Variants in PPP4R2 observed in about 807,000 individuals in gnomAD.
PPP4R2 encodes the protein serine/threonine-protein phosphatase 4 regulatory subunit 2.
A neutral mutation model predicts 47.2 loss-of-function variants in PPP4R2; 13 were observed. The observed-to-expected ratio is 0.28, with a 90% CI of 0.18 to 0.44. PPP4R2 has a LOEUF of 0.44. Among genes scored for constraint, PPP4R2 ranks in the 20% least tolerant of loss-of-function variants. The pLI is 1.00. For missense variants in PPP4R2, 421 were observed against 491.2 expected (o/e 0.86, Z 1.35); for synonymous variants, 151 against 163.3 (o/e 0.92, Z 0.57).
At chr3:73,041,419 C>T (rs1010919372) in intron 2 of PPP4R2, among the ~76,000 whole-genome samples, 1 of 152,166 alleles carries the variant, frequency 6.6e-6, no homozygotes, top group African/African-American at 2.4e-5. Flanking sequence ...ATTCAGTATT[C>T]AGATTAAATA....
chr3:73,064,665 C>T (rs1702947743), intron 7 of PPP4R2, among the ~76,000 whole-genome samples, 187 bp from the exon 8 acceptor site: 1 of 152,158 alleles, frequency 6.6e-6, no homozygotes, highest in African/African-American at 2.4e-5. Context: ...CTGAGTCCTA[C>T]TGGGAATTAT....
chr3:73,063,178 A>G (rs143291119), intron 5 of PPP4R2: 45 of 443,546 alleles, frequency 1.0e-4, no homozygotes, highest in African/African-American at 8.7e-4. Context: ...TTTGGGATTT[A>G]AAGCTCCTGA....
rs1702924428 is a variant in PPP4R2, at chr3:73,063,752, G to T, written c.494+5G>T. 1 of 1,525,082 alleles carries T rather than the reference G, an allele frequency of 6.6e-7. No homozygotes were observed. The highest frequency in any genetic ancestry group is 9.0e-7 in the Non-Finnish European group (1 of 1,114,104). The allele number at this position is 1,525,082 out of a possible 1,614,324, so 94.5% of individuals were successfully genotyped here. On this transcript the variant is annotated splice_donor_5th_base_variant and intron_variant, in intron 6 of 8. Transcript: ENST00000356692. ...TTCACCAAGCTATACTGAGAGGTGA[G>T]ATTCTAGATTTTTAATACCTACAGA... is the stretch of plus-strand genomic sequence containing the variant.
intron 3 of PPP4R2, among the ~76,000 whole-genome samples, chr3:73,052,699 T>C (rs59408678): frequency 0.13 from 19,730 of 152,172 alleles, 1,553 homozygotes; most frequent in East Asian, 0.36. Flanking sequence ...TAAGTTAATC[T>C]CTCAAGTCTT....
intron 2 of PPP4R2, among the ~76,000 whole-genome samples, chr3:73,026,341 TC>T (rs1702062472): frequency 6.6e-6 from 1 of 152,214 alleles, no homozygotes; most frequent in Non-Finnish European, 1.5e-5. Flanking sequence ...GTACATTTTT[TC>T]TCCCTCTTCT....
chr3:73,003,365 C>T (rs1473245263), intron 2 of PPP4R2, among the ~76,000 whole-genome samples: 1 of 151,958 alleles, frequency 6.6e-6, no homozygotes, highest in African/African-American at 2.4e-5. Context: ...GCACGTGCCA[C>T]CATTGCCTGG....
intron 2 of PPP4R2, among the ~76,000 whole-genome samples, chr3:73,043,897 TTAAAGAA>T (rs1295276146): frequency 3.9e-5 from 6 of 152,248 alleles, no homozygotes; most frequent in Admixed American, 3.9e-4. Context: ...ATTGTACACA[TTAAAGAA>T]TAAGTCCCTT....
intron 2 of PPP4R2, among the ~76,000 whole-genome samples, chr3:73,037,661 T>C (rs1193643157): frequency 6.6e-6 from 1 of 152,212 alleles, no homozygotes; most frequent in African/African-American, 2.4e-5. Context: ...TTATTGTTTA[T>C]ATTAAACACC....
At chr3:73,061,115 TTGC>T in intron 5 of PPP4R2, 55 bp downstream of exon 5, 1 of 773,826 alleles carries the variant, frequency 1.3e-6, no homozygotes, top group Non-Finnish European at 2.0e-6. Context: ...AATCATTTTA[TTGC>T]TTCTAATATA....
Position 72,996,902 on chromosome 3 carries a change from GT to G in PPP4R2, c.-133del, listed in dbSNP as rs1347226035. On this transcript the variant is annotated 5_prime_UTR_variant, in exon 1 of 9. Transcript: ENST00000356692. ...TCGCACGCTTCCCCCGGCTCCCTTC[GT>G]TTCCCCCCCCCGGTCGCCTGCGTGC... 21 of 537,502 alleles carry G rather than the reference GT, an allele frequency of 3.9e-5. No individual in the cohort carries two copies. Among genetic ancestry groups the G allele is most frequent in the African/African-American group, 7.9e-5 (4 of 50,666 alleles). 33.3% of individuals were successfully genotyped at this position (537,502 alleles called of 1,614,324 possible).
intron 3 of PPP4R2, among the ~76,000 whole-genome samples, chr3:73,058,647 T>C (rs749535619): frequency 3.9e-5 from 6 of 152,220 alleles, no homozygotes; most frequent in Non-Finnish European, 8.8e-5. Context: ...AGCGTTTCTT[T>C]ATGCTTTGTG....
chr3:73,024,006 A>G (rs985190381), intron 2 of PPP4R2, among the ~76,000 whole-genome samples: 2 of 152,146 alleles, frequency 1.3e-5, no homozygotes, highest in African/African-American at 2.4e-5. Flanking sequence ...TATTTTCACT[A>G]AGCATTTACC....
At chr3:73,032,834 A>C (rs904575202) in intron 2 of PPP4R2, among the ~76,000 whole-genome samples, 1 of 151,970 alleles carries the variant, frequency 6.6e-6, no homozygotes, top group Non-Finnish European at 1.5e-5. Context: ...TGTTAATGCT[A>C]TTTTTTTCAT....
At chr3:73,045,657 G>A (rs1702468864) in intron 2 of PPP4R2, among the ~76,000 whole-genome samples, 1 of 151,524 alleles carries the variant, frequency 6.6e-6, no homozygotes, top group Non-Finnish European at 1.5e-5. Context: ...CTCCTGTGTA[G>A]CTGGGATTAC....
chr3:73,042,805 C>A (rs907769564), intron 2 of PPP4R2, among the ~76,000 whole-genome samples: 2 of 152,082 alleles, frequency 1.3e-5, no homozygotes, highest in African/African-American at 2.4e-5. Flanking sequence ...TGAATTGCAT[C>A]GTATTGATCT....
chr3:73,019,429 A>C (rs565983860), intron 2 of PPP4R2, among the ~76,000 whole-genome samples: 1 of 152,184 alleles, frequency 6.6e-6, no homozygotes, highest in African/African-American at 2.4e-5. Context: ...GCTGGAGTGC[A>C]GTGGTGTGAT....
intron 3 of PPP4R2, 141 bp from the exon 4 acceptor site, chr3:73,058,896 A>G (rs944060062): frequency 4.2e-6 from 2 of 477,332 alleles, no homozygotes; most frequent in African/African-American, 4.2e-5. Context: ...TGACTCATCC[A>G]TTTATTTCCC....
chr3:72,997,118 C>T (rs1368558343), intron 1 of PPP4R2, 47 bp downstream of exon 1: 4 of 1,304,156 alleles, frequency 3.1e-6, no homozygotes, highest in Non-Finnish European at 4.0e-6. Flanking sequence ...TTCTCCGGCT[C>T]GCTCTTCTCT....
chr3:73,013,711 T>C (rs1172733466), intron 2 of PPP4R2, among the ~76,000 whole-genome samples: 1 of 152,078 alleles, frequency 6.6e-6, no homozygotes, highest in East Asian at 1.9e-4. Context: ...CAACCTCAGC[T>C]CACTGCAGCC....
Sources: gnomAD v4.1 joint callset for allele counts (sites outside exome capture counted in the v4.1 genomes callset) on GRCh38, gnomAD v4.1.1 for gene constraint, MANE v1.5 for transcripts, NCBI Gene and HGNC (gene_info 2026-07-23, HGNC 2026-07-21) for gene names.